NLRP5: variants seen among roughly 807,000 people sequenced by gnomAD.
NLRP5 encodes the protein NACHT, LRR and PYD domains-containing protein 5.
A neutral mutation model predicts 113.1 loss-of-function variants in NLRP5; 93 were observed. The observed-to-expected ratio is 0.82, with a 90% CI of 0.70 to 0.98. The LOEUF is 0.98. Among genes scored for constraint, NLRP5 ranks in the 50% least tolerant of loss-of-function variants. The pLI, the probability that NLRP5 is intolerant of heterozygous loss-of-function variation, is 0.00. For synonymous variants in NLRP5, 751 were observed against 600.7 expected (o/e 1.25, Z -3.66); for missense variants, 1,808 against 1,514.3 (o/e 1.19, Z -3.22).
chr19:56,014,182 A>G (rs889175537), intron 3 of NLRP5, among the ~76,000 whole-genome samples: 9 of 152,030 alleles, frequency 5.9e-5, no homozygotes, highest in African/African-American at 2.2e-4. Flanking sequence ...TTATATCTTT[A>G]AAAAAATTGT....
chr19:56,041,173 G>A, intron 11 of NLRP5, 81 bp downstream of exon 11: 1 of 1,395,586 alleles, frequency 7.2e-7, no homozygotes, highest in Non-Finnish European at 1.0e-6. Context: ...GAAGGCAGTG[G>A]GGAGGGGGTG....
intron 9 of NLRP5, among the ~76,000 whole-genome samples, chr19:56,036,062 T>TG (rs1310573449): frequency 7.3e-6 from 1 of 136,078 alleles, no homozygotes; most frequent in African/African-American, 2.9e-5. Context: ...GAGATTCTTT[T>TG]TTTTTTTTTT....
intron 2 of NLRP5, 79 bp downstream of exon 2, chr19:56,004,174 G>GT (rs1981767148): frequency 1.4e-6 from 2 of 1,450,176 alleles, no homozygotes; most frequent in African/African-American, 1.4e-5. Flanking sequence ...AAGAATCGTT[G>GT]TTCAGTAACC....
intron 2 of NLRP5, among the ~76,000 whole-genome samples, chr19:56,007,091 C>T (rs980457995): frequency 2.6e-5 from 4 of 151,072 alleles, no homozygotes; most frequent in South Asian, 2.1e-4. Flanking sequence ...GGCTGGGCAC[C>T]GTGGCTCACG....
chr19:56,054,450 C>T lies in NLRP5; in HGVS notation c.3299+642C>T, dbSNP rs925115121. Among the ~76,000 whole-genome samples, 60 of 151,348 alleles carry T rather than the reference C, an allele frequency of 4.0e-4. 1 individual carries two copies. Among genetic ancestry groups the T allele is most frequent in the Admixed American group, 3.6e-3 (55 of 15,132 alleles). ...GCGCATGCTTGTAATCCCAGCTATT[C>T]GGGAGGCTGAGGCAGGAGAATCACT... On this transcript the variant is annotated intron_variant, in intron 13 of 14. Coordinates refer to ENST00000390649, the MANE Select transcript of NLRP5 (RefSeq NM_153447.4).
chr19:56,060,283 AT>A (rs1301971603), intron 14 of NLRP5, among the ~76,000 whole-genome samples: 1 of 151,796 alleles, frequency 6.6e-6, no homozygotes, highest in Non-Finnish European at 1.5e-5. Flanking sequence ...CTATGTATCT[AT>A]TTAAATATGT....
chr19:56,018,513 T>A (rs1982492612), intron 4 of NLRP5: 1 of 152,218 alleles, frequency 6.6e-6, no homozygotes, highest in African/African-American at 2.4e-5. Flanking sequence ...TACAGAAACA[T>A]TTAACTTCAG....
intron 3 of NLRP5, among the ~76,000 whole-genome samples, chr19:56,013,103 A>C (rs1370753003): frequency 6.6e-6 from 1 of 152,082 alleles, no homozygotes; most frequent in East Asian, 1.9e-4. Flanking sequence ...GTGTCTGTGA[A>C]TTTTGCCTTT....
chr19:56,014,544 G>T (rs1982333233), intron 3 of NLRP5, among the ~76,000 whole-genome samples: 1 of 151,650 alleles, frequency 6.6e-6, no homozygotes, highest in South Asian at 2.1e-4. Flanking sequence ...TCCTCTTAAG[G>T]ATTTTGTAGT....
rs1314581283 is a variant in NLRP5 at position 56,019,416 on chromosome 19, A to G, written c.622+18A>G. The G allele has an allele frequency of 6.2e-7, 1 of 1,610,642 alleles. No individual in the cohort carries two copies. Among genetic ancestry groups the G allele is most frequent in the Non-Finnish European group, 8.5e-7 (1 of 1,176,992 alleles). ...AGAACAAGGTGAGGAAAATAGATGTATTCCTTGGTTGCCCTCCTGGAAGAA... is the reference window on the plus strand; with the variant it reads ...AGAACAAGGTGAGGAAAATAGATGTGTTCCTTGGTTGCCCTCCTGGAAGAA... On this transcript the variant is annotated intron_variant, in intron 5 of 14. Coordinates refer to ENST00000390649, the MANE Select transcript of NLRP5 (RefSeq NM_153447.4).
chr19:56,045,058 A>G (rs921208554), intron 11 of NLRP5, among the ~76,000 whole-genome samples: 1 of 152,180 alleles, frequency 6.6e-6, no homozygotes, highest in African/African-American at 2.4e-5. Flanking sequence ...GTGTACATTA[A>G]TCTTGTATCT....
chr19:55,987,807 C>T, the NLRP5 span: 1 of 1,608,246 alleles, frequency 6.2e-7, no homozygotes, highest in African/African-American at 1.3e-5. Context: ...CCTTTACCTC[C>T]CTCCAGCTGT....
At chr19:56,050,378 T>C (rs924960210) in intron 11 of NLRP5, 40 bp from the exon 12 acceptor site, 9 of 1,590,888 alleles carry the variant, frequency 5.7e-6, no homozygotes, top group Non-Finnish European at 6.0e-6. Context: ...TGCTGGGGAA[T>C]GAGCATCACG....
intron 1 of NLRP5, chr19:55,999,827 C>T: frequency 6.7e-7 from 1 of 1,491,164 alleles, no homozygotes; most frequent in Non-Finnish European, 9.4e-7. Flanking sequence ...GAAACCGACC[C>T]TCAGCCTTGG....
chr19:56,019,493 G>C, intron 5 of NLRP5, 95 bp downstream of exon 5: 3 of 1,380,418 alleles, frequency 2.2e-6, no homozygotes, highest in Non-Finnish European at 2.0e-6. Context: ...ATGTAGTTTA[G>C]ATTGCCTTTC....
intron 7 of NLRP5, among the ~76,000 whole-genome samples, 185 bp from the exon 8 acceptor site, chr19:56,032,426 G>A (rs752766495): frequency 2.2e-4 from 34 of 152,066 alleles, no homozygotes; most frequent in South Asian, 4.2e-4. Context: ...CGGTATATCC[G>A]GGAGGCAGGG....
intron 3 of NLRP5, among the ~76,000 whole-genome samples, chr19:56,012,783 A>G (rs1019344089): frequency 1.3e-5 from 2 of 152,196 alleles, no homozygotes; most frequent in Non-Finnish European, 2.9e-5. Context: ...TACCTGTGAT[A>G]TAAGCACCAT....
intron 7 of NLRP5, among the ~76,000 whole-genome samples, chr19:56,029,485 C>T (rs567655599): frequency 1.1e-3 from 164 of 151,862 alleles, no homozygotes; most frequent in Non-Finnish European, 2.1e-3. Flanking sequence ...AGGCTGATCT[C>T]GAACTCCTGA....
intron 12 of NLRP5, 112 bp from the exon 13 acceptor site, chr19:56,053,524 CAG>C: frequency 1.1e-6 from 1 of 911,384 alleles, no homozygotes; most frequent in African/African-American, 1.7e-5. Context: ...GTGGACAAAA[CAG>C]TGGCCCGTCA....
Sources: allele counts gnomAD v4.1 joint callset (sites outside exome capture counted in the v4.1 genomes callset), GRCh38; gene constraint gnomAD v4.1.1; transcripts MANE v1.5; gene names NCBI Gene and HGNC (gene_info 2026-07-23, HGNC 2026-07-21).